RPTOR: variants seen among roughly 807,000 people sequenced by gnomAD.
The protein encoded by RPTOR is regulatory-associated protein of mTOR.
RPTOR carries 21 observed loss-of-function variants against 169.9 expected under a neutral mutation model. The ratio of observed to expected loss-of-function variants is 0.12; its 90% CI spans 0.09 to 0.18. The LOEUF is 0.18. Among genes scored for constraint, RPTOR ranks in the 10% least tolerant of loss-of-function variants. RPTOR has a pLI of 1.00. For missense variants in RPTOR, 1,133 were observed against 1,855.9 expected (o/e 0.61, Z 7.16); for synonymous variants, 732 against 753.2 (o/e 0.97, Z 0.46).
At position 80,960,756 on chromosome 17, in the gene RPTOR, T is replaced by C. The variant is rs571430539; in HGVS notation, c.3605+551T>C. On this transcript the variant is annotated intron_variant, in intron 30 of 33. Transcript: ENST00000306801. This position sits in a 1 kb window ranked among gnomAD's most constrained non-coding sequence, Gnocchi z 4.8. ...GGGCACTGCCTCCACTGAGCACCCC[T>C]GTGGGCAGGTGCTGTCCATGTCTGG... is the stretch of plus-strand genomic sequence containing the variant. 2.4e-4 allele frequency: 38 copies of C among 159,430 alleles called. 1 individual carries two copies. Among genetic ancestry groups the C allele is most frequent in the South Asian group, 6.7e-4 (4 of 5,944 alleles). 9.9% of individuals were successfully genotyped at this position (159,430 alleles called of 1,614,324 possible). A position where few individuals can be genotyped will look rare whatever the true frequency, so the allele number is the denominator to read the frequency against.
At chr17:80,735,756 C>A (rs1365608028) in intron 5 of RPTOR, among the ~76,000 whole-genome samples, 1 of 152,116 alleles carries the variant, frequency 6.6e-6, no homozygotes, top group Non-Finnish European at 1.5e-5. Context: ...TTGTTCTGCA[C>A]ATAGCCATCT....
chr17:80,741,776 G>A (rs992342939), intron 5 of RPTOR, among the ~76,000 whole-genome samples: 2 of 152,212 alleles, frequency 1.3e-5, no homozygotes, highest in Middle Eastern at 3.2e-3. Flanking sequence ...ACGGGATGGT[G>A]ACGAGCCCCC....
chr17:80,645,116 T>C (rs1044717954), intron 3 of RPTOR, among the ~76,000 whole-genome samples: 2 of 152,184 alleles, frequency 1.3e-5, no homozygotes, highest in African/African-American at 4.8e-5. Context: ...CCTGTAAAAA[T>C]GTAGTTGAGA....
chr17:80,804,921 A>G (rs2067203109), intron 7 of RPTOR: 1 of 152,324 alleles, frequency 6.6e-6, no homozygotes. Flanking sequence ...GAGACCGGTT[A>G]TTTTGACCCA....
At chr17:80,758,691 G>A (rs1207456372) in intron 6 of RPTOR, among the ~76,000 whole-genome samples, 2 of 152,048 alleles carry the variant, frequency 1.3e-5, no homozygotes, top group East Asian at 1.9e-4. Flanking sequence ...TCCCGTCCCC[G>A]CTCCCGGTTT....
At chr17:80,649,600 G>A (rs1371552679) in intron 3 of RPTOR, among the ~76,000 whole-genome samples, 1 of 152,142 alleles carries the variant, frequency 6.6e-6, no homozygotes, top group Non-Finnish European at 1.5e-5. Flanking sequence ...CTTTGCCTGT[G>A]TACTCATTAA....
At chr17:80,637,058 T>C (rs1198741943) in intron 2 of RPTOR, among the ~76,000 whole-genome samples, 1 of 152,186 alleles carries the variant, frequency 6.6e-6, no homozygotes, top group Non-Finnish European at 1.5e-5. Flanking sequence ...CAGTGCTTTA[T>C]GTAGAACCCT....
intron 1 of RPTOR, among the ~76,000 whole-genome samples, chr17:80,584,883 G>A (rs2143382818): frequency 6.6e-6 from 1 of 152,268 alleles, no homozygotes; most frequent in African/African-American, 2.4e-5. Context: ...GATGTGTTGG[G>A]TATTCACTGG....
chr17:80,890,809 G>A (rs947285459), intron 17 of RPTOR, among the ~76,000 whole-genome samples: 4 of 152,116 alleles, frequency 2.6e-5, no homozygotes, highest in Admixed American at 6.5e-5. Flanking sequence ...GGGAAAGTGC[G>A]TGTACAGAGA....
chr17:80,730,775 T>TTGGGGGG lies in RPTOR; in HGVS notation c.654+69_654+70insTGGGGGG. On this transcript the variant is annotated intron_variant, in intron 5 of 33. Coordinates refer to ENST00000306801, the MANE Select transcript of RPTOR (RefSeq NM_020761.3). This position sits in a 1 kb window ranked among gnomAD's most constrained non-coding sequence, Gnocchi z 4.2. ...GTTTTCCCTGGGGGTGGGGTTTGGG[T>TTGGGGGG]GGGGAGGTTGGGAGGTGTTGGACAT... The TTGGGGGG allele has an allele frequency of 8.8e-6, 4 of 454,480 alleles. No homozygotes were observed. The highest frequency in any genetic ancestry group is 4.2e-6 in the Non-Finnish European group (1 of 239,918). The allele number at this position is 454,480 out of a possible 1,614,324, so 28.2% of individuals were successfully genotyped here.
At chr17:80,559,725 C>A (rs1022217858) in intron 1 of RPTOR, among the ~76,000 whole-genome samples, 3 of 152,186 alleles carry the variant, frequency 2.0e-5, no homozygotes, top group Admixed American at 2.0e-4. Context: ...ACTTTGCCTG[C>A]TACCACTCCC....
chr17:80,549,157 C>T (rs2084315068), intron 1 of RPTOR, among the ~76,000 whole-genome samples: 1 of 152,176 alleles, frequency 6.6e-6, no homozygotes, highest in South Asian at 2.1e-4. Flanking sequence ...ACTTTTACCA[C>T]ATTTTAATTT....
At chr17:80,572,636 G>A (rs1473972678) in intron 1 of RPTOR, among the ~76,000 whole-genome samples, 2 of 152,134 alleles carry the variant, frequency 1.3e-5, no homozygotes, top group Non-Finnish European at 2.9e-5. Context: ...GAGGCAGGAG[G>A]ATGGCTTGAT....
At chr17:80,713,529 T>TA (rs1318938649) in intron 4 of RPTOR, among the ~76,000 whole-genome samples, 7 of 151,898 alleles carry the variant, frequency 4.6e-5, no homozygotes, top group South Asian at 2.1e-4. Flanking sequence ...CAAACCAGAT[T>TA]AAAAAAAAGC....
intron 5 of RPTOR, among the ~76,000 whole-genome samples, chr17:80,731,394 T>C (rs2066391982): frequency 6.6e-6 from 1 of 151,726 alleles, no homozygotes; most frequent in Admixed American, 6.6e-5. Flanking sequence ...TTTCTTTTTC[T>C]GTTGTGTTAA....
At chr17:80,774,435 T>C (rs567016921) in intron 6 of RPTOR, 3 of 824,720 alleles carry the variant, frequency 3.6e-6, no homozygotes, top group East Asian at 1.2e-4. Flanking sequence ...AAAGCAGACG[T>C]AGTGCATAAA....
chr17:80,841,790 G>A (rs867227184), intron 10 of RPTOR, among the ~76,000 whole-genome samples: 248 of 109,028 alleles, frequency 2.3e-3, no homozygotes, highest in Non-Finnish European at 3.1e-3. Context: ...CACTCTCACC[G>A]CACGGCAGCT....
At chr17:80,807,283 G>A (rs1462438652) in intron 7 of RPTOR, among the ~76,000 whole-genome samples, 2 of 152,134 alleles carry the variant, frequency 1.3e-5, no homozygotes, top group African/African-American at 4.8e-5. Flanking sequence ...TTGGGTTTAA[G>A]TCTGCCTCCT....
At chr17:80,690,114 T>A (rs887731694) in intron 3 of RPTOR, among the ~76,000 whole-genome samples, 7 of 152,228 alleles carry the variant, frequency 4.6e-5, no homozygotes, top group South Asian at 2.1e-4. Context: ...ATTTTTAAAC[T>A]TTTTATTATG....
Sources: gnomAD v4.1 joint callset for allele counts (sites outside exome capture counted in the v4.1 genomes callset) on GRCh38, gnomAD v4.1.1 for gene constraint, Gnocchi (gnomAD v3.1) non-coding constraint, MANE v1.5 for transcripts, NCBI Gene and HGNC (gene_info 2026-07-23, HGNC 2026-07-21) for gene names.